GRM7: variants seen among roughly 807,000 people sequenced by gnomAD.
GRM7 encodes metabotropic glutamate receptor 7.
A neutral mutation model predicts 84.5 loss-of-function variants in GRM7; 35 were observed. That is an observed-to-expected ratio of 0.41 (90% CI 0.32 to 0.55). The LOEUF (loss-of-function observed/expected upper bound fraction) is 0.55, where lower values mean the gene tolerates loss of function less well. Ranked by LOEUF, GRM7 falls within the 20% of genes least tolerant of loss-of-function variation. The pLI is 0.19. For synonymous variants in GRM7, 487 were observed against 455.1 expected, an observed-to-expected ratio of 1.07 and a Z score of -0.89; for missense variants, 1,003 against 1,194.6, an observed-to-expected ratio of 0.84 and a Z score of 2.36.
chr3:7,423,133 T>A (rs1342292937), intron 5 of GRM7, among the ~76,000 whole-genome samples: 1 of 152,176 alleles, frequency 6.6e-6, no homozygotes, highest in Non-Finnish European at 1.5e-5. Context: ...AATGCCATTT[T>A]AATTCAGAGC....
At chr3:7,170,845 C>T (rs568638607) in intron 2 of GRM7, among the ~76,000 whole-genome samples, 12 of 152,244 alleles carry the variant, frequency 7.9e-5, no homozygotes, top group African/African-American at 1.4e-4. Flanking sequence ...GACCTGGCTT[C>T]GCTACAAGAT....
chr3:7,004,271 A>G (rs1483357050), intron 1 of GRM7, among the ~76,000 whole-genome samples: 2 of 152,200 alleles, frequency 1.3e-5, no homozygotes, highest in African/African-American at 4.8e-5. Context: ...CAACCATAGT[A>G]AAAATTTTTT....
chr3:7,299,725 T>TATTA (rs150703521), intron 3 of GRM7, among the ~76,000 whole-genome samples: 7,638 of 152,184 alleles, frequency 0.05, 625 homozygotes, highest in African/African-American at 0.17. Flanking sequence ...GATCACTGAA[T>TATTA]ATTAGTACCT....
chr3:7,276,682 T>C (rs547855868), intron 2 of GRM7, among the ~76,000 whole-genome samples: 17 of 151,952 alleles, frequency 1.1e-4, no homozygotes, highest in Non-Finnish European at 2.5e-4. Context: ...GATTACTAAC[T>C]CATGTTTTCA....
At chr3:7,711,949 T>G (rs1701594904) in intron 9 of GRM7, among the ~76,000 whole-genome samples, 1 of 152,218 alleles carries the variant, frequency 6.6e-6, no homozygotes. Flanking sequence ...TTTCAAGATT[T>G]TTGCAGTTAG....
chr3:7,661,781 G>C, intron 8 of GRM7, among the ~76,000 whole-genome samples: 1 of 66,312 alleles, frequency 1.5e-5, no homozygotes, highest in East Asian at 1.0e-3. Flanking sequence ...GCCACAGAGC[G>C]AGGTCTCCGT....
intron 7 of GRM7, among the ~76,000 whole-genome samples, chr3:7,509,576 C>A (rs1049271137): frequency 3.3e-5 from 5 of 152,168 alleles, no homozygotes; most frequent in Non-Finnish European, 7.3e-5. Context: ...ATCTGATAAG[C>A]CACTTCATAG....
chr3:7,469,880 G>A (rs560185985), intron 7 of GRM7, among the ~76,000 whole-genome samples: 1 of 152,276 alleles, frequency 6.6e-6, no homozygotes, highest in Admixed American at 6.5e-5. Flanking sequence ...TGAGATGCGA[G>A]ACCCCAAACT....
At chr3:6,943,345 A>G (rs548233815) in intron 1 of GRM7, among the ~76,000 whole-genome samples, 1 of 152,030 alleles carries the variant, frequency 6.6e-6, no homozygotes, top group South Asian at 2.1e-4. Flanking sequence ...TTATACATTT[A>G]GGTCTATAGT....
intron 4 of GRM7, among the ~76,000 whole-genome samples, chr3:7,356,920 T>TCACATACA (rs1553567163): frequency 2.3e-5 from 3 of 131,256 alleles, no homozygotes; most frequent in African/African-American, 8.8e-5. Flanking sequence ...GCCTTTTTGA[T>TCACATACA]CACACACACA....
In GRM7 at chr3:7,378,620, G is replaced by C. The variant is rs1016076297; in HGVS notation, c.1034-36403G>C. Among the ~76,000 whole-genome samples, 48 of 151,994 alleles carry C rather than the reference G, an allele frequency of 3.2e-4. 1 individual carries two copies. Among genetic ancestry groups the C allele is most frequent in the African/African-American group, 1.2e-3 (48 of 41,404 alleles). On this transcript the variant is annotated intron_variant, in intron 4 of 9. Coordinates refer to ENST00000357716, the MANE Select transcript of GRM7 (RefSeq NM_000844.4). The stretch of plus-strand genomic sequence containing the variant: ...TTAGAATACTTTTTGTGACAAGAGA[G>C]GTTATATTTTAGAGACTTTTAAAAA...
chr3:6,936,028 G>A (rs1358667917), intron 1 of GRM7, among the ~76,000 whole-genome samples: 1 of 152,014 alleles, frequency 6.6e-6, no homozygotes, highest in African/African-American at 2.4e-5. Flanking sequence ...TGTTTCTAAT[G>A]TGCTTGCTTG....
At chr3:7,356,920 TCACACACACACACACACA>T (rs34481316) in intron 4 of GRM7, among the ~76,000 whole-genome samples, 62 of 131,284 alleles carry the variant, frequency 4.7e-4, no homozygotes, top group African/African-American at 1.6e-3. Context: ...GCCTTTTTGA[TCACACACACACACACACA>T]CACACACACA....
chr3:6,874,095 C>T (rs1298256789), intron 1 of GRM7, among the ~76,000 whole-genome samples: 2 of 152,156 alleles, frequency 1.3e-5, no homozygotes, highest in East Asian at 3.8e-4. Context: ...CCTGTGTCTA[C>T]CTCTGAAAGA....
intron 2 of GRM7, among the ~76,000 whole-genome samples, chr3:7,279,801 CTG>C (rs1699194908): frequency 6.6e-6 from 1 of 152,090 alleles, no homozygotes; most frequent in African/African-American, 2.4e-5. Context: ...GTGTTTATGT[CTG>C]TGTGTGTGAG....
intron 8 of GRM7, among the ~76,000 whole-genome samples, chr3:7,593,634 A>C (rs1186355701): frequency 6.6e-6 from 1 of 152,178 alleles, no homozygotes; most frequent in Non-Finnish European, 1.5e-5. Context: ...AGCAAGGGAA[A>C]AGGTGCTCAG....
At chr3:7,693,641 T>C in intron 9 of GRM7, 1 of 1,526,432 alleles carries the variant, frequency 6.6e-7, no homozygotes, top group Non-Finnish European at 8.8e-7. Context: ...AGGTGAGAAG[T>C]GCAACTGCTA....
chr3:7,229,997 G>A (rs890910346), intron 2 of GRM7, among the ~76,000 whole-genome samples: 2 of 150,166 alleles, frequency 1.3e-5, no homozygotes, highest in East Asian at 4.0e-4. Context: ...CCACCACCAC[G>A]CCTGGCTAAT....
chr3:7,730,722 T>G (rs1362724245), intron 9 of GRM7, among the ~76,000 whole-genome samples: 1 of 152,188 alleles, frequency 6.6e-6, no homozygotes, highest in Non-Finnish European at 1.5e-5. Flanking sequence ...GTTTGTAACA[T>G]TAGCCTTAAG....
Sources: allele counts gnomAD v4.1 joint callset (sites outside exome capture counted in the v4.1 genomes callset), GRCh38; gene constraint gnomAD v4.1.1; transcripts MANE v1.5; gene names NCBI Gene and HGNC (gene_info 2026-07-23, HGNC 2026-07-21).